The following RBFOX1 variants were observed in gnomAD, a reference collection of about 807,000 sequenced individuals.
The protein encoded by RBFOX1 is RNA binding protein fox-1 homolog 1.
In RBFOX1, 8 loss-of-function variants were observed where a neutral mutation model predicts 57.7. The ratio of observed to expected loss-of-function variants is 0.14; its 90% CI spans 0.08 to 0.25. The LOEUF (loss-of-function observed/expected upper bound fraction) is 0.25, where lower values mean the gene tolerates loss of function less well. RBFOX1 is among the 10% of genes least tolerant of loss of function. RBFOX1 has a pLI of 1.00. For synonymous variants in RBFOX1, 326 were observed against 222.4 expected, an observed-to-expected ratio of 1.47 and a Z score of -4.15; for missense variants, 611 against 548.5, an observed-to-expected ratio of 1.11 and a Z score of -1.14.
At chr16:7,483,085 C>G (rs911724596) in intron 4 of RBFOX1, among the ~76,000 whole-genome samples, 4 of 152,120 alleles carry the variant, frequency 2.6e-5, no homozygotes, top group African/African-American at 9.7e-5. Context: ...AAGGTGCTAC[C>G]CTTTTATTCA....
chr16:7,603,676 G>A (rs2095154882), intron 9 of RBFOX1, among the ~76,000 whole-genome samples: 1 of 152,032 alleles, frequency 6.6e-6, no homozygotes, highest in Admixed American at 6.6e-5. Context: ...GGTCTTGGGG[G>A]GTTTTATAAA....
chr16:6,285,305 C>T (rs906016480), intron 1 of RBFOX1, among the ~76,000 whole-genome samples: 1 of 152,066 alleles, frequency 6.6e-6, no homozygotes, highest in Non-Finnish European at 1.5e-5. Flanking sequence ...TGAAAAGAAC[C>T]TCAGAAAGGA....
At chr16:6,150,929 C>T (rs753672335) in intron 1 of RBFOX1, among the ~76,000 whole-genome samples, 28 of 152,120 alleles carry the variant, frequency 1.8e-4, no homozygotes, top group Non-Finnish European at 1.9e-4. Flanking sequence ...ACACCTTGGG[C>T]GCCCTACATT....
intron 3 of RBFOX1, among the ~76,000 whole-genome samples, chr16:6,836,344 G>A (rs571744000): frequency 1.3e-5 from 2 of 152,270 alleles, no homozygotes; most frequent in African/African-American, 2.4e-5. Context: ...AACTGCTTTT[G>A]AAGTTAGAAA....
chr16:6,608,767 G>T (rs560864176), intron 2 of RBFOX1, among the ~76,000 whole-genome samples: 1 of 152,322 alleles, frequency 6.6e-6, no homozygotes, highest in South Asian at 2.1e-4. Flanking sequence ...GCAAGAGCTT[G>T]TCTCAAAAAC....
intron 1 of RBFOX1, among the ~76,000 whole-genome samples, chr16:6,142,503 G>A (rs564938865): frequency 6.6e-6 from 1 of 152,020 alleles, no homozygotes; most frequent in Non-Finnish European, 1.5e-5. Context: ...TTACAGGCGT[G>A]AGCCACCATG....
intron 4 of RBFOX1, among the ~76,000 whole-genome samples, chr16:7,507,852 G>T (rs1600352438): frequency 2.0e-5 from 3 of 149,478 alleles, no homozygotes; most frequent in Non-Finnish European, 1.5e-5. Flanking sequence ...CATGAGCCAC[G>T]GCGCCCGGCC....
chr16:5,414,136 A>C (rs1234791327), intron 1 of RBFOX1, among the ~76,000 whole-genome samples: 2 of 152,154 alleles, frequency 1.3e-5, no homozygotes, highest in African/African-American at 2.4e-5. Context: ...ACCTGAACAC[A>C]CCGTGGTTCT....
intron 4 of RBFOX1, among the ~76,000 whole-genome samples, chr16:7,394,900 C>A (rs1210257990): frequency 2.0e-5 from 3 of 152,150 alleles, no homozygotes; most frequent in Admixed American, 1.3e-4. Flanking sequence ...CCCCTGCAGC[C>A]TTCATGTCTG....
chr16:6,852,329 G>A (rs945433901), intron 3 of RBFOX1, among the ~76,000 whole-genome samples: 2 of 152,148 alleles, frequency 1.3e-5, no homozygotes, highest in South Asian at 2.1e-4. Context: ...GAGGTTGCGT[G>A]TAGGGCCCTC....
At chr16:5,825,180 C>T (rs1020028667) in intron 3 of RBFOX1, among the ~76,000 whole-genome samples, 2 of 152,222 alleles carry the variant, frequency 1.3e-5, no homozygotes, top group Non-Finnish European at 2.9e-5. Context: ...CGGCTATGCA[C>T]AGCTTCAAAA....
chr16:7,177,199 C>G (rs911107814), intron 4 of RBFOX1, among the ~76,000 whole-genome samples: 8 of 152,178 alleles, frequency 5.3e-5, no homozygotes, highest in Non-Finnish European at 8.8e-5. Context: ...AGAATAGCGA[C>G]AATACAACCG....
At chr16:5,483,263 C>T (rs1257490589) in intron 2 of RBFOX1, among the ~76,000 whole-genome samples, 1 of 152,208 alleles carries the variant, frequency 6.6e-6, no homozygotes, top group African/African-American at 2.4e-5. Flanking sequence ...GCAAGGATGG[C>T]AGACATGTGG....
intron 3 of RBFOX1, among the ~76,000 whole-genome samples, chr16:6,958,386 C>T (rs1238448308): frequency 1.3e-5 from 2 of 152,128 alleles, no homozygotes; most frequent in African/African-American, 4.8e-5. Context: ...GAGATGGAGT[C>T]AGCATATTTC....
At chr16:6,892,780 C>G (rs1480821737) in intron 3 of RBFOX1, among the ~76,000 whole-genome samples, 83 of 32,000 alleles carry the variant, frequency 2.6e-3, no homozygotes, top group African/African-American at 6.5e-3. Context: ...GTCTCCCTCT[C>G]TCTCTCTCTC....
chr16:6,950,552 A>C (rs2080507262), intron 3 of RBFOX1, among the ~76,000 whole-genome samples: 1 of 152,192 alleles, frequency 6.6e-6, no homozygotes, highest in South Asian at 2.1e-4. Flanking sequence ...CAGGCTTAGA[A>C]ATGAATGTGT....
chr16:5,373,903 CA>C (rs2065921306), intron 1 of RBFOX1, among the ~76,000 whole-genome samples: 1 of 152,110 alleles, frequency 6.6e-6, no homozygotes, highest in Non-Finnish European at 1.5e-5. Context: ...TGTGCCCAGC[CA>C]AACTTCTTTT....
intron 2 of RBFOX1, among the ~76,000 whole-genome samples, chr16:6,556,330 A>G (rs1413617614): frequency 6.6e-6 from 1 of 152,184 alleles, no homozygotes; most frequent in East Asian, 1.9e-4. Context: ...AAGTGACACT[A>G]TCTCTTTGGA....
intron 4 of RBFOX1, among the ~76,000 whole-genome samples, chr16:7,112,529 T>A (rs1171655894): frequency 6.6e-6 from 1 of 152,068 alleles, no homozygotes; most frequent in Non-Finnish European, 1.5e-5. Flanking sequence ...TTTTAACATA[T>A]ATTGTCCATC....
Sources: allele counts gnomAD v4.1 joint callset (sites outside exome capture counted in the v4.1 genomes callset), GRCh38; gene constraint gnomAD v4.1.1; transcripts MANE v1.5; gene names NCBI Gene and HGNC (gene_info 2026-07-23, HGNC 2026-07-21).